PIK3CG: variants seen among roughly 807,000 people sequenced by gnomAD.
PIK3CG encodes phosphatidylinositol-4,5-bisphosphate 3-kinase catalytic subunit gamma.
A neutral mutation model predicts 102.3 loss-of-function variants in PIK3CG; 55 were observed. The observed-to-expected ratio is 0.54, with a 90% CI of 0.43 to 0.67. The LOEUF (loss-of-function observed/expected upper bound fraction) is 0.67, where lower values mean the gene tolerates loss of function less well. PIK3CG is among the 30% of genes least tolerant of loss of function. PIK3CG has a pLI of 0.00. For missense variants in PIK3CG, 1,258 were observed against 1,391.8 expected (o/e 0.90, Z 1.53); for synonymous variants, 552 against 540.0 (o/e 1.02, Z -0.31).
Position 106,867,927 on chromosome 7 carries a change from G to C in PIK3CG, c.366G>C (p.Leu122=). 6.2e-7 allele frequency: 1 copy of C among 1,613,306 alleles called. No homozygotes were observed. Among genetic ancestry groups the C allele is most frequent in the Non-Finnish European group, 8.5e-7 (1 of 1,179,980 alleles). ...KYQVVQTLDC[L]RYWKATHRSP... The stretch of plus-strand genomic sequence containing the variant: ...AGGTGGTGCAGACTCTGGACTGCCT[G>C]CGCTACTGGAAGGCCACGCACCGGA... Residue 122 remains leucine (L), a synonymous_variant, in exon 2 of 11, where the codon CTG becomes CTC. Coordinates refer to ENST00000496166, the MANE Select transcript of PIK3CG (RefSeq NM_001282426.2). This position sits in a 1 kb window ranked among gnomAD's most constrained non-coding sequence, Gnocchi z 5.1.
chr7:106,876,240 A>G (rs995007738), intron 5 of PIK3CG, among the ~76,000 whole-genome samples: 1 of 152,100 alleles, frequency 6.6e-6, no homozygotes, highest in East Asian at 1.9e-4. Context: ...AAACTTAGCC[A>G]TTCAAATGAG....
intron 5 of PIK3CG, among the ~76,000 whole-genome samples, chr7:106,875,898 G>GTTTT (rs371417092): frequency 2.3e-5 from 3 of 130,950 alleles, no homozygotes; most frequent in African/African-American, 2.8e-5. Context: ...GTTATCATCA[G>GTTTT]TTTTTTTTTT....
At chr7:106,876,525 G>A (rs1790748519) in intron 5 of PIK3CG, among the ~76,000 whole-genome samples, 1 of 150,872 alleles carries the variant, frequency 6.6e-6, no homozygotes, top group African/African-American at 2.4e-5. Context: ...CCAAGTAGCT[G>A]GGACTACAGG....
In PIK3CG at chr7:106,886,106, A is replaced by C. The variant is rs28763993; in HGVS notation, c.2873-29A>C. 15,463 of 1,604,064 alleles carry C rather than the reference A, an allele frequency of 9.6e-3. 88 individuals are homozygous for C. Among genetic ancestry groups the C allele is most frequent in the Non-Finnish European group, 0.012 (13,950 of 1,172,024 alleles). ...AAGGAACAAAGTGCTGTGCCACTGT[A>C]ATGATGTCAGATACTTTCTTCTCTT... On this transcript the variant is annotated intron_variant, in intron 9 of 10. Coordinates refer to ENST00000496166, the MANE Select transcript of PIK3CG (RefSeq NM_001282426.2).
rs1790341417 is a variant in PIK3CG at position 106,867,647 on chromosome 7, C to A, written c.86C>A (p.Ala29Glu). The change falls in exon 2 of 11, where the codon GCG (alanine) becomes GAG (glutamate). Residue 29 changes from alanine (A) to glutamate (E), a missense_variant. This residue lies in a region of PIK3CG where 832 missense variants were observed against 787.5 expected (regional missense o/e 1.06). Coordinates refer to ENST00000496166, the MANE Select transcript of PIK3CG (RefSeq NM_001282426.2). This position sits in a 1 kb window ranked among gnomAD's most constrained non-coding sequence, Gnocchi z 5.1. ...RRRRMKPRSA[A>E]ASLSSMELIP... ...CGGAGGATGAAGCCGCGCAGTGCTG[C>A]GGCCAGCCTGTCCTCCATGGAGCTC... 6.2e-7 allele frequency: 1 copy of A among 1,613,240 alleles called. No individual in the cohort carries two copies.
At chr7:106,887,932 CCT>C (rs1791150961) in intron 10 of PIK3CG, among the ~76,000 whole-genome samples, 1 of 109,546 alleles carries the variant, frequency 9.1e-6, no homozygotes, top group Non-Finnish European at 1.9e-5. Context: ...TGACGACTCT[CCT>C]TTTTTTTTTT....
Position 106,869,162 on chromosome 7 carries a change from C to G in PIK3CG, c.1601C>G (p.Pro534Arg), listed in dbSNP as rs201202352. 5.0e-6 allele frequency: 8 copies of G among 1,614,190 alleles called. No individual in the cohort carries two copies. In the Admixed American group the frequency reaches 1.2e-4, roughly 24 times the overall value. The change falls in exon 2 of 11, where the codon CCC (proline) becomes CGC (arginine). Residue 534 changes from proline to arginine, a missense_variant. Coordinates refer to ENST00000496166, the MANE Select transcript of PIK3CG (RefSeq NM_001282426.2). The surrounding 1 kb of genome is among the most constrained non-coding windows in gnomAD (Gnocchi z 5.3). ...CCGATAGCCCTGCCTAAGCATCAGC[C>G]CACCCCTGACCCGGAAGGGGACCGG... is the stretch of plus-strand genomic sequence containing the variant. ...CHPIALPKHQ[P>R]TPDPEGDRVR... is the part of the protein sequence containing the mutation.
Position 106,905,758 on chromosome 7 carries a change from G to T in PIK3CG, c.*371G>T. On this transcript the variant is annotated 3_prime_UTR_variant, in exon 11 of 11. Transcript: ENST00000496166. This position sits in a 1 kb window ranked among gnomAD's most constrained non-coding sequence, Gnocchi z 5.6. ...TGACATCTATTTTCATCTGGGTTTA[G>T]TCTCAATTTTGGTTATCTTTGTGTT... 1 of 274,794 alleles carries T rather than the reference G, an allele frequency of 3.6e-6. No homozygotes were observed. Among genetic ancestry groups the T allele is most frequent in the Non-Finnish European group, 6.9e-6 (1 of 145,218 alleles). The allele number at this position is 274,794 out of a possible 1,614,324, so 17.0% of individuals were successfully genotyped here.
intron 10 of PIK3CG, among the ~76,000 whole-genome samples, chr7:106,898,998 C>T (rs1280228178): frequency 6.6e-6 from 1 of 152,200 alleles, no homozygotes; most frequent in Non-Finnish European, 1.5e-5. Context: ...TATCCATGAG[C>T]ATGGTATGTT....
intron 5 of PIK3CG, among the ~76,000 whole-genome samples, chr7:106,876,558 ATTT>A (rs747506191): frequency 1.5e-5 from 2 of 136,416 alleles, no homozygotes; most frequent in East Asian, 4.3e-4. Context: ...CACCCAGCTA[ATTT>A]TTTTTTTTTT....
rs1005165644 is a variant in PIK3CG at position 106,883,360 on chromosome 7, A to G, written c.2760+197A>G. Among the ~76,000 whole-genome samples the G allele has an allele frequency of 5.9e-5, 9 of 152,230 alleles. No individual in the cohort carries two copies. The highest frequency in any genetic ancestry group is 2.2e-4 in the African/African-American group (9 of 41,462). On this transcript the variant is annotated intron_variant, in intron 8 of 10. Transcript: ENST00000496166. This position sits in a 1 kb window ranked among gnomAD's most constrained non-coding sequence, Gnocchi z 5.8. ...ATATCTGTGTGAAACAGAGGCACTC[A>G]GTTCAGGACTCCATGAGCATTTGCT...
intron 10 of PIK3CG, among the ~76,000 whole-genome samples, chr7:106,896,603 A>G (rs1433845260): frequency 6.6e-6 from 1 of 152,136 alleles, no homozygotes; most frequent in African/African-American, 2.4e-5. Flanking sequence ...TTAAGAATGC[A>G]AGAGCACTAA....
rs1024549833 is a variant in PIK3CG at position 106,872,048 on chromosome 7, G to A, written c.1996-489G>A. Reference sequence around the variant, plus strand: ...TTCAGTGACTTGCCAGTGAGATGCCGAAAAGGGAAGCTATAGGGCTTTTAG... The same window carrying A: ...TTCAGTGACTTGCCAGTGAGATGCCAAAAAGGGAAGCTATAGGGCTTTTAG... On this transcript the variant is annotated intron_variant, in intron 2 of 10. Coordinates refer to ENST00000496166, the MANE Select transcript of PIK3CG (RefSeq NM_001282426.2). This position sits in a 1 kb window ranked among gnomAD's most constrained non-coding sequence, Gnocchi z 5.3. Among the ~76,000 whole-genome samples, 9 of 152,160 alleles carry A rather than the reference G, an allele frequency of 5.9e-5. No homozygotes were observed. The highest frequency in any genetic ancestry group is 9.7e-5 in the African/African-American group (4 of 41,426).
intron 10 of PIK3CG, among the ~76,000 whole-genome samples, chr7:106,889,121 C>G (rs1791202236): frequency 6.6e-6 from 1 of 152,134 alleles, no homozygotes; most frequent in South Asian, 2.1e-4. Flanking sequence ...AAGTAGCATG[C>G]TCTGCTTACA....
rs752005404 is a variant in PIK3CG, at chr7:106,874,354, A to G, written c.2288-346A>G. On this transcript the variant is annotated intron_variant, in intron 4 of 10. Transcript: ENST00000496166. This position sits in a 1 kb window ranked among gnomAD's most constrained non-coding sequence, Gnocchi z 4.3. ...AAATCAGATGGTAGTTTAAAGTTTA[A>G]TGTGCTGGAAAGAAAACTACAGTAT... Among the ~76,000 whole-genome samples the G allele has an allele frequency of 1.3e-5, 2 of 152,226 alleles. No individual in the cohort carries two copies. Among genetic ancestry groups the G allele is most frequent in the Non-Finnish European group, 2.9e-5 (2 of 68,040 alleles).
At chr7:106,876,362 AAATAT>A (rs2116508022) in intron 5 of PIK3CG, among the ~76,000 whole-genome samples, 2 of 150,950 alleles carry the variant, frequency 1.3e-5, no homozygotes, top group South Asian at 4.2e-4. Flanking sequence ...TTTTCTATTC[AAATAT>A]TTCACCAGTT....
At chr7:106,876,285 A>G (rs1790735865) in intron 5 of PIK3CG, among the ~76,000 whole-genome samples, 1 of 152,004 alleles carries the variant, frequency 6.6e-6, no homozygotes, top group South Asian at 2.1e-4. Flanking sequence ...TTTTATTTGC[A>G]TTTCCATAAT....
chr7:106,904,193 A>G (rs1791631522), intron 10 of PIK3CG, among the ~76,000 whole-genome samples: 1 of 152,216 alleles, frequency 6.6e-6, no homozygotes, highest in African/African-American at 2.4e-5. Context: ...TAAATCAAAA[A>G]TAGATGTTAA....
chr7:106,886,044 A>G, intron 9 of PIK3CG, 91 bp from the exon 10 acceptor site: 2 of 1,160,410 alleles, frequency 1.7e-6, no homozygotes, highest in South Asian at 3.0e-5. Context: ...TTTCAACACA[A>G]GATAGCTCAT....
Sources: gnomAD v4.1 joint callset for allele counts (sites outside exome capture counted in the v4.1 genomes callset) on GRCh38, gnomAD v4.1.1 for gene constraint, gnomAD v4.1.1 regional missense constraint, Gnocchi (gnomAD v3.1) non-coding constraint, MANE v1.5 for transcripts, NCBI Gene and HGNC (gene_info 2026-07-23, HGNC 2026-07-21) for gene names.